AP3B1: variants seen among roughly 807,000 people sequenced by gnomAD.
AP3B1 encodes the protein adaptor related protein complex 3 subunit beta 1, also known as AP-3 complex subunit beta-1.
In AP3B1, 61 loss-of-function variants were observed where a neutral mutation model predicts 132.5. The ratio of observed to expected loss-of-function variants is 0.46; its 90% CI spans 0.37 to 0.57. The LOEUF is 0.57. Among genes scored for constraint, AP3B1 ranks in the 20% least tolerant of loss-of-function variants. The pLI is 0.00. For synonymous variants in AP3B1, 388 were observed against 438.3 expected (o/e 0.89, Z 1.43); for missense variants, 1,120 against 1,289.4 (o/e 0.87, Z 2.01).
At chr5:78,122,555 G>A (rs2112284889) in intron 17 of AP3B1, among the ~76,000 whole-genome samples, 1 of 152,260 alleles carries the variant, frequency 6.6e-6, no homozygotes, top group South Asian at 2.1e-4. Context: ...ACCAATAACG[G>A]ACAAACAGAG....
At chr5:78,067,626 C>T (rs1422748842) in intron 22 of AP3B1, among the ~76,000 whole-genome samples, 2 of 152,300 alleles carry the variant, frequency 1.3e-5, no homozygotes, top group African/African-American at 2.4e-5. Flanking sequence ...CTCGAAACCA[C>T]ACAACTACAT....
intron 14 of AP3B1, among the ~76,000 whole-genome samples, chr5:78,144,541 G>A (rs1390429945): frequency 1.3e-5 from 2 of 152,112 alleles, no homozygotes; most frequent in Non-Finnish European, 2.9e-5. Context: ...AGACATCTAA[G>A]CAAACTGCAT....
chr5:78,080,840 G>T (rs370362086), intron 22 of AP3B1, among the ~76,000 whole-genome samples: 1 of 151,958 alleles, frequency 6.6e-6, no homozygotes, highest in Admixed American at 6.6e-5. Flanking sequence ...AAATATGATC[G>T]GTGGAAAAAC....
chr5:78,095,641 T>C (rs559957670), intron 21 of AP3B1, among the ~76,000 whole-genome samples: 8 of 152,322 alleles, frequency 5.3e-5, no homozygotes, highest in African/African-American at 1.7e-4. Context: ...ATCTCTATTT[T>C]CTCTCGTATG....
chr5:78,095,388 G>C (rs1750728641), intron 21 of AP3B1, among the ~76,000 whole-genome samples: 1 of 152,178 alleles, frequency 6.6e-6, no homozygotes, highest in South Asian at 2.1e-4. Context: ...TCTCACAGTT[G>C]AGAACTAAAG....
chr5:78,254,089 C>T (rs560598792), intron 2 of AP3B1, among the ~76,000 whole-genome samples: 1 of 151,514 alleles, frequency 6.6e-6, no homozygotes, highest in Non-Finnish European at 1.5e-5. Context: ...AGTCTCTTAT[C>T]AGCAGAATTG....
chr5:78,054,241 G>C (rs1580288521), intron 22 of AP3B1, among the ~76,000 whole-genome samples: 1 of 152,192 alleles, frequency 6.6e-6, no homozygotes, highest in South Asian at 2.1e-4. Flanking sequence ...GAGACTGTGA[G>C]GTTACATGTT....
chr5:78,093,978 G>A (rs1177541098), intron 21 of AP3B1, among the ~76,000 whole-genome samples: 2 of 152,174 alleles, frequency 1.3e-5, no homozygotes, highest in Non-Finnish European at 2.9e-5. Context: ...CTACTGCCTT[G>A]ACCAAAATTC....
chr5:78,014,207 T>TA (rs11427263), intron 26 of AP3B1, among the ~76,000 whole-genome samples: 5,350 of 139,618 alleles, frequency 0.038, 256 homozygotes, highest in East Asian at 0.22. Context: ...TTGAGCAACT[T>TA]AAAAAAAAAA....
intron 6 of AP3B1, 98 bp from the exon 7 acceptor site, chr5:78,216,335 T>C (rs1745961331): frequency 1.4e-5 from 15 of 1,068,814 alleles, no homozygotes; most frequent in Non-Finnish European, 1.4e-6. Flanking sequence ...TGCCAATCAG[T>C]ATTAAAGTAT....
intron 20 of AP3B1, chr5:78,101,407 C>T (rs1423220260): frequency 9.4e-6 from 4 of 425,098 alleles, no homozygotes; most frequent in African/African-American, 2.1e-5. Context: ...AAAGAAATAA[C>T]ATATGCATAG....
At chr5:78,285,473 CT>C (rs1361832738) in intron 1 of AP3B1, among the ~76,000 whole-genome samples, 1 of 152,040 alleles carries the variant, frequency 6.6e-6, no homozygotes, top group East Asian at 1.9e-4. Flanking sequence ...TGACTCTGAC[CT>C]TTTTCTACAC....
intron 7 of AP3B1, among the ~76,000 whole-genome samples, chr5:78,215,702 A>G (rs552651019): frequency 6.6e-6 from 1 of 152,304 alleles, no homozygotes; most frequent in Admixed American, 6.5e-5. Flanking sequence ...TACCTGGAAT[A>G]GCTGGGGCTC....
At chr5:78,238,350 A>T (rs1454999732) in intron 3 of AP3B1, among the ~76,000 whole-genome samples, 1 of 152,188 alleles carries the variant, frequency 6.6e-6, no homozygotes, top group Non-Finnish European at 1.5e-5. Context: ...ATGGTGAGTT[A>T]TATAATTATT....
chr5:78,034,402 A>G lies in AP3B1; in HGVS notation c.2853T>C (p.Ile951=), dbSNP rs1263221940. The G allele has an allele frequency of 5.2e-5, 84 of 1,612,358 alleles. No individual in the cohort carries two copies. The highest frequency in any genetic ancestry group is 7.1e-5 in the Non-Finnish European group (84 of 1,178,702). The change falls in exon 24 of 27, where the codon ATT becomes ATC. Residue 951 remains isoleucine, a synonymous_variant. Coordinates refer to ENST00000255194, the MANE Select transcript of AP3B1 (RefSeq NM_003664.5). The part of the protein sequence containing the change: ...PEGSITVSMG[I]DFCDSTQTAS... ...CAGTCTGAGTAGAATCACAAAAGTC[A>G]ATACCCATTGAAACTGTAATGGATC...
intron 11 of AP3B1, among the ~76,000 whole-genome samples, chr5:78,168,013 G>GAAAAAAAAAAAAAAAAA (rs149936824): frequency 9.0e-6 from 1 of 110,788 alleles, no homozygotes; most frequent in Non-Finnish European, 1.8e-5. Flanking sequence ...AAAACCTACT[G>GAAAAAAAAAAAAAAAAA]AAAAAAAAAA....
intron 12 of AP3B1, among the ~76,000 whole-genome samples, chr5:78,165,221 C>A (rs1561451033): frequency 6.6e-6 from 1 of 152,000 alleles, no homozygotes; most frequent in Non-Finnish European, 1.5e-5. Context: ...GCTAAGGGGG[C>A]AGTGTCAAAA....
intron 24 of AP3B1, among the ~76,000 whole-genome samples, chr5:78,026,734 T>C (rs1447327031): frequency 6.6e-6 from 1 of 152,222 alleles, no homozygotes; most frequent in African/African-American, 2.4e-5. Flanking sequence ...ATTGCCAATT[T>C]AAGATCCCAC....
At chr5:78,262,526 A>G (rs1422803962) in intron 2 of AP3B1, among the ~76,000 whole-genome samples, 1 of 152,194 alleles carries the variant, frequency 6.6e-6, no homozygotes, top group African/African-American at 2.4e-5. Flanking sequence ...ATTACCAAAA[A>G]TCATTTGACC....
Sources: gnomAD v4.1 joint callset for allele counts (sites outside exome capture counted in the v4.1 genomes callset) on GRCh38, gnomAD v4.1.1 for gene constraint, MANE v1.5 for transcripts, NCBI Gene and HGNC (gene_info 2026-07-23, HGNC 2026-07-21) for gene names.